NYAP2: variants seen among roughly 807,000 people sequenced by gnomAD.
NYAP2 encodes the protein neuronal tyrosine-phosphorylated phosphoinositide-3-kinase adaptor 2, also known as neuronal tyrosine-phosphorylated phosphoinositide-3-kinase adapter 2.
In NYAP2, 23 loss-of-function variants were observed where a neutral mutation model predicts 50.4. The ratio of observed to expected loss-of-function variants is 0.46; its 90% confidence interval spans 0.33 to 0.65. NYAP2 has a LOEUF of 0.65. NYAP2 is among the 30% of genes least tolerant of loss of function. NYAP2 has a pLI of 0.02. For missense variants in NYAP2, 885 were observed against 861.0 expected (o/e 1.03, Z -0.35); for synonymous variants, 394 against 365.2 (o/e 1.08, Z -0.90).
At chr2:225,461,280 A>G (rs1002269524) in intron 3 of NYAP2, among the ~76,000 whole-genome samples, 3 of 152,226 alleles carry the variant, frequency 2.0e-5, no homozygotes, top group African/African-American at 7.2e-5. Flanking sequence ...GCTTTTTCAC[A>G]CAAGTGTGTA....
At chr2:225,527,135 T>C (rs1411497183) in intron 4 of NYAP2, among the ~76,000 whole-genome samples, 1 of 152,222 alleles carries the variant, frequency 6.6e-6, no homozygotes, top group African/African-American at 2.4e-5. Flanking sequence ...ACCCAACATC[T>C]TCCTATTAAG....
At position 225,518,546 on chromosome 2, in the gene NYAP2, ATATATATATATATATATATAT is replaced by A. The variant is rs1559202475; in HGVS notation, c.523+4875_523+4895del. ...AATATATATATATATATATATATATATATATATATATATATATATATATTAGCGTGTGCGCTTATATATATA... is the reference window on the plus strand; with the variant it reads ...AATATATATATATATATATATATATAATTAGCGTGTGCGCTTATATATATA... On this transcript the variant is annotated intron_variant, in intron 4 of 6. Transcript: ENST00000636099. Among the ~76,000 whole-genome samples the A allele has an allele frequency of 5.2e-3, 390 of 74,312 alleles. 36 individuals are homozygous for A. The highest frequency in any genetic ancestry group is 0.04 in the Middle Eastern group (6 of 150). 48.8% of individuals were successfully genotyped at this position (74,312 alleles called of 152,430 possible).
intron 4 of NYAP2, among the ~76,000 whole-genome samples, chr2:225,541,258 A>G (rs1023060693): frequency 6.6e-6 from 1 of 151,996 alleles, no homozygotes; most frequent in Non-Finnish European, 1.5e-5. Flanking sequence ...CACTTTGTTT[A>G]TTGTTTCCTT....
chr2:225,409,222 G>A (rs1030750201), intron 3 of NYAP2, 121 bp downstream of exon 3: 7 of 695,026 alleles, frequency 1.0e-5, no homozygotes, highest in African/African-American at 3.6e-5. Context: ...GACTTGGTGA[G>A]AGCATATGAA....
At chr2:225,615,127 C>A (rs561533831) in intron 5 of NYAP2, among the ~76,000 whole-genome samples, 2 of 152,222 alleles carry the variant, frequency 1.3e-5, no homozygotes, top group South Asian at 2.1e-4. Context: ...AATGGCTAGA[C>A]CTCGGTTATA....
rs141620368 is a variant in NYAP2, at chr2:225,618,319, A to G, written c.1619-8598A>G. Among the ~76,000 whole-genome samples the G allele has an allele frequency of 3.5e-4, 53 of 152,330 alleles. 1 individual carries two copies. The East Asian group carries it at 8.5e-3, about 24-fold the overall frequency. ...TTTATTATTTTTGTCATATTGTCCC[A>G]GGTCCTCATGTCACCTAGTAGTCCA... On this transcript the variant is annotated intron_variant, in intron 5 of 6. Coordinates refer to ENST00000636099, the Ensembl canonical transcript of NYAP2.
At chr2:225,691,991 A>G in the NYAP2 span, among the ~76,000 whole-genome samples, 1 of 152,106 alleles carries the variant, frequency 6.6e-6, no homozygotes, top group Non-Finnish European at 1.5e-5. Context: ...GATCATCTGA[A>G]AATTAGTATT....
chr2:225,434,796 A>G (rs1689348096), intron 3 of NYAP2, among the ~76,000 whole-genome samples: 1 of 152,242 alleles, frequency 6.6e-6, no homozygotes, highest in South Asian at 2.1e-4. Context: ...ACCATTTTAT[A>G]TATACACGTG....
chr2:225,647,032 A>C (rs1693646904), intron 6 of NYAP2, among the ~76,000 whole-genome samples: 1 of 152,198 alleles, frequency 6.6e-6, no homozygotes, highest in Admixed American at 6.5e-5. Flanking sequence ...TAGGTACCTT[A>C]GGTGATATAA....
intron 5 of NYAP2, among the ~76,000 whole-genome samples, chr2:225,616,008 G>C (rs1389918779): frequency 6.6e-6 from 1 of 152,166 alleles, no homozygotes; most frequent in African/African-American, 2.4e-5. Context: ...ATTGCTGTTT[G>C]TGCGATCTTG....
chr2:225,512,802 C>A (rs1354619151), intron 3 of NYAP2, among the ~76,000 whole-genome samples: 4,279 of 109,000 alleles, frequency 0.039, 354 homozygotes, highest in African/African-American at 0.16. Context: ...CTCCCTCCCT[C>A]TCTTTCTTTT....
At chr2:225,468,366 A>G (rs1331997901) in intron 3 of NYAP2, among the ~76,000 whole-genome samples, 1 of 152,232 alleles carries the variant, frequency 6.6e-6, no homozygotes, top group Non-Finnish European at 1.5e-5. Flanking sequence ...CAGAACTTCA[A>G]AAGAATACAT....
chr2:225,408,957 T>G, exon 3 of NYAP2: 1 of 1,611,944 alleles, frequency 6.2e-7, no homozygotes, highest in Non-Finnish European at 8.5e-7. Flanking sequence ...ATTGAGGATA[T>G]GGGGATGAAG....
At chr2:225,466,412 T>G (rs970746622) in intron 3 of NYAP2, among the ~76,000 whole-genome samples, 1 of 152,188 alleles carries the variant, frequency 6.6e-6, no homozygotes, top group African/African-American at 2.4e-5. Flanking sequence ...ACTACTTAAG[T>G]GAAAACATTA....
intron 4 of NYAP2, among the ~76,000 whole-genome samples, chr2:225,516,710 A>G (rs1217130671): frequency 6.6e-6 from 1 of 152,220 alleles, no homozygotes; most frequent in Non-Finnish European, 1.5e-5. Context: ...ATGTGTACTC[A>G]GAGCCAAAAT....
the NYAP2 span, among the ~76,000 whole-genome samples, chr2:225,664,099 A>G: frequency 6.6e-6 from 1 of 152,114 alleles, no homozygotes; most frequent in East Asian, 1.9e-4. Context: ...TCAGAGAGGA[A>G]CTCTATTACA....
chr2:225,455,908 C>T (rs557383448), intron 3 of NYAP2, among the ~76,000 whole-genome samples: 13 of 152,252 alleles, frequency 8.5e-5, no homozygotes, highest in Non-Finnish European at 1.3e-4. Flanking sequence ...ATGCATAGAC[C>T]TGCCGTTAGA....
At chr2:225,633,220 G>C (rs2106261394) in intron 6 of NYAP2, among the ~76,000 whole-genome samples, 1 of 152,350 alleles carries the variant, frequency 6.6e-6, no homozygotes, top group South Asian at 2.1e-4. Flanking sequence ...TATGAACAAA[G>C]TGGTATCATA....
chr2:225,638,619 C>T (rs1417532469), intron 6 of NYAP2, among the ~76,000 whole-genome samples: 1 of 152,098 alleles, frequency 6.6e-6, no homozygotes, highest in Non-Finnish European at 1.5e-5. Context: ...AGACAGAGAG[C>T]GAACAACCAT....
Sources: allele counts gnomAD v4.1 joint callset (sites outside exome capture counted in the v4.1 genomes callset), GRCh38; gene constraint gnomAD v4.1.1; transcripts MANE v1.5; gene names NCBI Gene and HGNC (gene_info 2026-07-23, HGNC 2026-07-21).